Variants in CARNMT1 observed in about 807,000 individuals in gnomAD.
CARNMT1 encodes the protein protein-L-histidine N-pros-methyltransferase CARNMT1.
CARNMT1 carries 28 observed loss-of-function variants against 49.6 expected under a neutral mutation model. That is an observed-to-expected ratio of 0.56 (90% CI 0.42 to 0.77). CARNMT1 has a LOEUF of 0.77. Ranked by LOEUF, CARNMT1 falls within the 30% of genes least tolerant of loss-of-function variation. The pLI is 0.00. For synonymous variants in CARNMT1, 178 were observed against 175.0 expected (o/e 1.02, Z -0.13); for missense variants, 421 against 512.6 (o/e 0.82, Z 1.73).
rs35783706 is a variant in CARNMT1, at chr9:75,022,213, C to CTTTTT, written c.231-4770_231-4766dup. On this transcript the variant is annotated intron_variant, in intron 1 of 7. Transcript: ENST00000376834. ...CAGAATTACCAGGTGAGAAGGAATA[C>CTTTTT]TTTTTTTTTTTTTTTTTTTTTTTTT... Among the ~76,000 whole-genome samples the CTTTTT allele has an allele frequency of 1.2e-4, 9 of 76,968 alleles. 1 individual carries two copies. The highest frequency in any genetic ancestry group is 5.2e-4 in the South Asian group (1 of 1,936). The allele number at this position is 76,968 out of a possible 152,430, so 50.5% of individuals were successfully genotyped here.
intron 3 of CARNMT1, among the ~76,000 whole-genome samples, chr9:75,002,081 C>T (rs1833374704): frequency 6.6e-6 from 1 of 152,042 alleles, no homozygotes; most frequent in African/African-American, 2.4e-5. Context: ...TCCCTAATAA[C>T]AGGAGGAAAA....
intron 3 of CARNMT1, among the ~76,000 whole-genome samples, chr9:75,003,382 C>T (rs1026075511): frequency 1.3e-5 from 2 of 152,268 alleles, no homozygotes; most frequent in Non-Finnish European, 2.9e-5. Flanking sequence ...CTATGGCTTG[C>T]AGGCCAGTCA....
At chr9:75,000,307 T>C (rs1334391129) in intron 3 of CARNMT1, among the ~76,000 whole-genome samples, 1 of 152,216 alleles carries the variant, frequency 6.6e-6, no homozygotes, top group Admixed American at 6.5e-5. Flanking sequence ...CAATTGTTTA[T>C]GTTAGATTAA....
At chr9:75,004,399 T>C (rs921386330) in intron 3 of CARNMT1, among the ~76,000 whole-genome samples, 2 of 152,238 alleles carry the variant, frequency 1.3e-5, no homozygotes, top group African/African-American at 4.8e-5. Flanking sequence ...CTGTGATCTA[T>C]TTACAGGATT....
intron 1 of CARNMT1, among the ~76,000 whole-genome samples, 179 bp from the exon 2 acceptor site, chr9:75,017,627 A>T (rs1833891569): frequency 6.6e-6 from 1 of 152,214 alleles, no homozygotes; most frequent in Non-Finnish European, 1.5e-5. Context: ...TTTTTACTTT[A>T]TTACAAGTCC....
In CARNMT1 at chr9:74,982,878, A is replaced by G. The variant is rs929819795; in HGVS notation, c.*889T>C. Reference sequence around the variant, plus strand: ...CTCACTTTGAATGTTGAGATCTCGTATATTTCAAAGTGATCCATGATGAGT... The same window carrying G: ...CTCACTTTGAATGTTGAGATCTCGTGTATTTCAAAGTGATCCATGATGAGT... On this transcript the variant is annotated 3_prime_UTR_variant, in exon 8 of 8. Coordinates refer to ENST00000376834, the MANE Select transcript of CARNMT1 (RefSeq NM_152420.3). The G allele has an allele frequency of 1.3e-5, 2 of 152,168 alleles. No homozygotes were observed. The highest frequency in any genetic ancestry group is 4.8e-5 in the African/African-American group (2 of 41,418). The allele number at this position is 152,168 out of a possible 1,614,324, so 9.4% of individuals were successfully genotyped here.
intron 6 of CARNMT1, among the ~76,000 whole-genome samples, chr9:74,994,477 G>A (rs1833128023): frequency 6.6e-6 from 1 of 152,128 alleles, no homozygotes; most frequent in Non-Finnish European, 1.5e-5. Context: ...TGTTGCCCAG[G>A]CTGGTCTTGA....
chr9:75,006,149 T>C (rs892738712), intron 3 of CARNMT1, among the ~76,000 whole-genome samples: 29 of 152,210 alleles, frequency 1.9e-4, no homozygotes, highest in African/African-American at 6.7e-4. Flanking sequence ...CCTCCCGGGT[T>C]CAAGTGATTC....
At chr9:74,995,697 G>A (rs79123513) in intron 6 of CARNMT1, among the ~76,000 whole-genome samples, 4,249 of 152,154 alleles carry the variant, frequency 0.028, 79 homozygotes, top group Admixed American at 0.048. Flanking sequence ...GACCATGTAC[G>A]TTATGTCCTT....
chr9:74,986,445 G>T (rs1395096596), intron 6 of CARNMT1, among the ~76,000 whole-genome samples: 1 of 152,098 alleles, frequency 6.6e-6, no homozygotes, highest in Admixed American at 6.5e-5. Context: ...TGTTATATTA[G>T]TACCAGTAAA....
At chr9:75,020,269 T>TCTTC (rs756200785) in intron 1 of CARNMT1, among the ~76,000 whole-genome samples, 1 of 118,892 alleles carries the variant, frequency 8.4e-6, no homozygotes, top group African/African-American at 3.2e-5. Flanking sequence ...TTTTTCTTCT[T>TCTTC]TTTTTTTTTT....
chr9:75,009,666 A>AGTC, intron 3 of CARNMT1, among the ~76,000 whole-genome samples: 2 of 152,310 alleles, frequency 1.3e-5, no homozygotes, highest in South Asian at 4.1e-4. Context: ...TAAATGATTC[A>AGTC]GTCAGCACCA....
Position 74,989,277 on chromosome 9 carries a change from A to G in CARNMT1, c.1025-4267T>C, listed in dbSNP as rs562752951. On this transcript the variant is annotated intron_variant, in intron 6 of 7. Coordinates refer to ENST00000376834, the MANE Select transcript of CARNMT1 (RefSeq NM_152420.3). Reference sequence around the variant, plus strand: ...AGGCACAGGCCACTACACCTGGCTAATTTTTAAACTTTTTTTTTAGAGATG... The same window carrying G: ...AGGCACAGGCCACTACACCTGGCTAGTTTTTAAACTTTTTTTTTAGAGATG... Among the ~76,000 whole-genome samples the G allele has an allele frequency of 3.8e-4, 58 of 152,086 alleles. No homozygotes were observed. The South Asian group carries it at 1.0e-2, about 26-fold the overall frequency.
chr9:75,005,874 A>ACACACACACACACAC (rs1833496284), intron 3 of CARNMT1, among the ~76,000 whole-genome samples: 1 of 146,490 alleles, frequency 6.8e-6, no homozygotes, highest in Non-Finnish European at 1.5e-5. Flanking sequence ...ACACACACAC[A>ACACACACACACACAC]ATAAAAGGCT....
chr9:75,023,648 T>C (rs1470288668), intron 1 of CARNMT1, among the ~76,000 whole-genome samples: 2 of 152,240 alleles, frequency 1.3e-5, no homozygotes, highest in African/African-American at 2.4e-5. Context: ...CCCTTATAAC[T>C]GGGGCTAACT....
At chr9:75,000,916 T>C (rs556181087) in intron 3 of CARNMT1, among the ~76,000 whole-genome samples, 5 of 152,270 alleles carry the variant, frequency 3.3e-5, no homozygotes, top group African/African-American at 1.2e-4. Flanking sequence ...TGAAAACTCA[T>C]AGCTCTAGGA....
intron 1 of CARNMT1, among the ~76,000 whole-genome samples, chr9:75,019,466 T>C (rs1833938967): frequency 6.6e-6 from 1 of 152,238 alleles, no homozygotes. Flanking sequence ...CCTTCCTTTC[T>C]AGGCCTTTCC....
intron 6 of CARNMT1, 35 bp from the exon 7 acceptor site, chr9:74,985,045 T>C (rs1832790355): frequency 2.8e-6 from 4 of 1,419,216 alleles, no homozygotes; most frequent in Non-Finnish European, 4.0e-6. Context: ...TACTTGAATA[T>C]AAACATACAC....
intron 6 of CARNMT1, among the ~76,000 whole-genome samples, chr9:74,985,624 G>T (rs1481669510): frequency 1.3e-5 from 2 of 151,682 alleles, no homozygotes; most frequent in African/African-American, 4.9e-5. Context: ...TGCCCAGGAA[G>T]GGTGGGGTGC....
Sources: gnomAD v4.1 joint callset for allele counts (sites outside exome capture counted in the v4.1 genomes callset) on GRCh38, gnomAD v4.1.1 for gene constraint, MANE v1.5 for transcripts, NCBI Gene and HGNC (gene_info 2026-07-23, HGNC 2026-07-21) for gene names.